SEMA3C: variants seen among roughly 807,000 people sequenced by gnomAD.
SEMA3C encodes the protein semaphorin 3C, also known as semaphorin-3C.
SEMA3C carries 47 observed loss-of-function variants against 89.4 expected under a neutral mutation model. The observed-to-expected ratio is 0.53, with a 90% CI of 0.42 to 0.67. The LOEUF (loss-of-function observed/expected upper bound fraction) is 0.67, where lower values mean the gene tolerates loss of function less well. SEMA3C is among the 30% of genes least tolerant of loss of function. The pLI is 0.00. For synonymous variants in SEMA3C, 310 were observed against 320.2 expected, an observed-to-expected ratio of 0.97 and a Z score of 0.34; for missense variants, 839 against 929.1, an observed-to-expected ratio of 0.90 and a Z score of 1.26.
chr7:80,802,646 C>A lies in SEMA3C; in HGVS notation c.916+19G>T. Reference sequence around the variant, plus strand: ...CAAGCCTTCTTTCAGAAGCATTTTTCAATCTCATATGTATGTACCTAATTC... The same window carrying A: ...CAAGCCTTCTTTCAGAAGCATTTTTAAATCTCATATGTATGTACCTAATTC... On this transcript the variant is annotated intron_variant, in intron 9 of 17. Transcript: ENST00000265361. 6.6e-7 allele frequency: 1 copy of A among 1,526,560 alleles called. No individual in the cohort carries two copies. Among genetic ancestry groups the A allele is most frequent in the Non-Finnish European group, 9.0e-7 (1 of 1,106,774 alleles). 94.6% of individuals were successfully genotyped at this position (1,526,560 alleles called of 1,614,324 possible).
At chr7:80,791,684 G>A (rs1353650765) in intron 11 of SEMA3C, among the ~76,000 whole-genome samples, 1 of 152,188 alleles carries the variant, frequency 6.6e-6, no homozygotes, top group Non-Finnish European at 1.5e-5. Context: ...GCAGAAGATA[G>A]AATGTGGAAT....
rs1166311981 is a variant in SEMA3C, at chr7:80,744,838, G to T, written c.*56C>A. 2 of 1,582,154 alleles carry T rather than the reference G, an allele frequency of 1.3e-6. No individual in the cohort carries two copies. Among genetic ancestry groups the T allele is most frequent in the South Asian group, 1.1e-5 (1 of 88,772 alleles). On this transcript the variant is annotated 3_prime_UTR_variant, in exon 18 of 18. Transcript: ENST00000265361. ...GCACAAGTTTCTTTGCTCAAAATTTGATCATTGAAGACAGAGCATTTGTTA... is the reference window on the plus strand; with the variant it reads ...GCACAAGTTTCTTTGCTCAAAATTTTATCATTGAAGACAGAGCATTTGTTA...
chr7:80,811,719 G>C (rs1306278122), intron 5 of SEMA3C, among the ~76,000 whole-genome samples: 1 of 152,134 alleles, frequency 6.6e-6, no homozygotes, highest in African/African-American at 2.4e-5. Context: ...ACTTTATCTT[G>C]AGCTTTAAGG....
At chr7:80,846,727 TTAA>T (rs1790399902) in intron 2 of SEMA3C, among the ~76,000 whole-genome samples, 1 of 152,208 alleles carries the variant, frequency 6.6e-6, no homozygotes, top group African/African-American at 2.4e-5. Context: ...TCACCTTTAT[TTAA>T]TAATACACTA....
intron 6 of SEMA3C, among the ~76,000 whole-genome samples, chr7:80,809,165 G>A (rs1249714985): frequency 1.3e-5 from 2 of 152,224 alleles, no homozygotes; most frequent in African/African-American, 2.4e-5. Context: ...TTTAAAAATC[G>A]TCTTGTCAAT....
intron 2 of SEMA3C, among the ~76,000 whole-genome samples, chr7:80,909,764 C>A (rs925865225): frequency 1.1e-4 from 16 of 152,158 alleles, no homozygotes; most frequent in African/African-American, 3.9e-4. Flanking sequence ...GAAGGAAAGA[C>A]AAGACTAGTA....
intron 5 of SEMA3C, among the ~76,000 whole-genome samples, chr7:80,816,692 C>T (rs1165736812): frequency 6.6e-6 from 1 of 152,140 alleles, no homozygotes; most frequent in Admixed American, 6.5e-5. Flanking sequence ...CCTGTTCATA[C>T]CTAAATTGGC....
chr7:80,828,037 AT>A (rs574830637), intron 3 of SEMA3C, among the ~76,000 whole-genome samples: 4 of 151,876 alleles, frequency 2.6e-5, no homozygotes, highest in Non-Finnish European at 2.9e-5. Context: ...ATAATCATTA[AT>A]TTTTTTTAGT....
At chr7:80,875,532 T>A (rs1028969735) in intron 2 of SEMA3C, among the ~76,000 whole-genome samples, 1 of 152,022 alleles carries the variant, frequency 6.6e-6, no homozygotes, top group Admixed American at 6.6e-5. Flanking sequence ...TCGGAAAAAA[T>A]TAAATGAAAA....
At chr7:80,824,262 GAAAATAT>G (rs1358985075) in intron 4 of SEMA3C, among the ~76,000 whole-genome samples, 1 of 152,050 alleles carries the variant, frequency 6.6e-6, no homozygotes, top group East Asian at 1.9e-4. Context: ...TTAGCTTAAT[GAAAATAT>G]ACTTCTAAAA....
intron 17 of SEMA3C, among the ~76,000 whole-genome samples, chr7:80,747,378 C>T (rs533661923): frequency 1.3e-5 from 2 of 152,072 alleles, no homozygotes; most frequent in Admixed American, 1.3e-4. Flanking sequence ...GTTATATTCA[C>T]TTATATATTA....
chr7:80,755,149 T>C (rs1788036883), intron 15 of SEMA3C, among the ~76,000 whole-genome samples: 1 of 151,612 alleles, frequency 6.6e-6, no homozygotes, highest in Non-Finnish European at 1.5e-5. Context: ...CCATTATTCA[T>C]AGTTTAATAT....
chr7:80,864,240 G>C (rs373435946), intron 2 of SEMA3C, among the ~76,000 whole-genome samples: 7 of 151,758 alleles, frequency 4.6e-5, no homozygotes, highest in Admixed American at 6.6e-5. Flanking sequence ...TGGGGACTTG[G>C]GGGGAAGAGT....
chr7:80,921,841 A>C (rs930821400), upstream of SEMA3C, among the ~76,000 whole-genome samples: 5 of 152,156 alleles, frequency 3.3e-5, no homozygotes, highest in Non-Finnish European at 7.3e-5. Context: ...GGTCCTGAGG[A>C]ATGCTATTTA....
chr7:80,746,741 G>GTGTGTGTGTT (rs1787810654), intron 17 of SEMA3C, among the ~76,000 whole-genome samples: 1 of 151,828 alleles, frequency 6.6e-6, no homozygotes, highest in African/African-American at 2.4e-5. Flanking sequence ...GTGTGTGTGT[G>GTGTGTGTGTT]TGTGTGGAGG....
chr7:80,786,965 A>C (rs886343067), intron 12 of SEMA3C, among the ~76,000 whole-genome samples: 1 of 152,244 alleles, frequency 6.6e-6, no homozygotes, highest in Non-Finnish European at 1.5e-5. Flanking sequence ...TGTGTTATCC[A>C]ACAGTCAACT....
rs551536166 is a variant in SEMA3C, at chr7:80,835,809, T to C, written c.104-7064A>G. On this transcript the variant is annotated intron_variant, in intron 2 of 17. Transcript: ENST00000265361. ...TTCACACAATTTCCATTCAAAGTCT[T>C]TGCATTCGGTTCTAATATTACTCTA... Among the ~76,000 whole-genome samples the C allele has an allele frequency of 1.4e-3, 217 of 152,284 alleles. 1 individual carries two copies. The highest frequency in any genetic ancestry group is 2.5e-3 in the Non-Finnish European group (167 of 68,016).
chr7:80,881,209 ACT>A (rs959164508), intron 2 of SEMA3C, among the ~76,000 whole-genome samples: 261 of 137,014 alleles, frequency 1.9e-3, no homozygotes, highest in African/African-American at 5.8e-3. Flanking sequence ...ACACACACAC[ACT>A]CTCTCTCATG....
intron 1 of SEMA3C, among the ~76,000 whole-genome samples, chr7:80,918,073 A>AG (rs1268867438): frequency 6.6e-6 from 1 of 152,198 alleles, no homozygotes; most frequent in African/African-American, 2.4e-5. Context: ...AATTTTCAAA[A>AG]GAAACAGTTT....
Sources: allele counts gnomAD v4.1 joint callset (sites outside exome capture counted in the v4.1 genomes callset), GRCh38; gene constraint gnomAD v4.1.1; transcripts MANE v1.5; gene names NCBI Gene and HGNC (gene_info 2026-07-23, HGNC 2026-07-21).